CSMD2: variants seen among roughly 807,000 people sequenced by gnomAD.
CSMD2 encodes CUB and sushi domain-containing protein 2.
A neutral mutation model predicts 398.5 loss-of-function variants in CSMD2; 130 were observed. The ratio of observed to expected loss-of-function variants is 0.33; its 90% CI spans 0.28 to 0.38. The LOEUF (loss-of-function observed/expected upper bound fraction) is 0.38. Among genes scored for constraint, CSMD2 ranks in the 10% least tolerant of loss-of-function variants. The pLI is 1.00. For synonymous variants in CSMD2, 1,828 were observed against 1,908.5 expected (o/e 0.96, Z 1.10); for missense variants, 3,829 against 4,764.9 (o/e 0.80, Z 5.78).
chr1:33,754,860 G>T (rs1201347823), intron 13 of CSMD2, among the ~76,000 whole-genome samples: 2 of 152,234 alleles, frequency 1.3e-5, no homozygotes, highest in African/African-American at 4.8e-5. Flanking sequence ...TGGTCTGTAG[G>T]CTTGGTGTCT....
chr1:33,793,644 G>A (rs1236744558), intron 10 of CSMD2, among the ~76,000 whole-genome samples: 2 of 152,080 alleles, frequency 1.3e-5, no homozygotes, highest in African/African-American at 4.8e-5. Flanking sequence ...GGGACGCATA[G>A]GTGTTTGAGA....
intron 65 of CSMD2, 129 bp downstream of exon 65, chr1:33,527,067 C>T: frequency 1.2e-6 from 1 of 859,626 alleles, no homozygotes; most frequent in South Asian, 1.4e-5. Context: ...GAAAGCCATC[C>T]AGATTTATAG....
At position 33,943,925 on chromosome 1, in the gene CSMD2, T is replaced by TACACACACAC. The variant is rs57400434; in HGVS notation, c.518-7981_518-7972dup. On this transcript the variant is annotated intron_variant, in intron 3 of 70. Coordinates refer to ENST00000373381, the MANE Select transcript of CSMD2 (RefSeq NM_001281956.2). Reference sequence around the variant, plus strand: ...ATATATATTATATATTAATCAGAATTACACACACACACACACACACACACA... The same window carrying TACACACACAC: ...ATATATATTATATATTAATCAGAATTACACACACACACACACACACACACACACACACACA... 2.0e-3 allele frequency among the ~76,000 whole-genome samples: 288 copies of TACACACACAC among 144,372 alleles called. 3 individuals are homozygous for TACACACACAC. The highest frequency in any genetic ancestry group is 7.1e-3 in the African/African-American group (280 of 39,278). 94.7% of individuals were successfully genotyped at this position (144,372 alleles called of 152,430 possible).
In CSMD2 at chr1:33,544,413, G is replaced by A. The variant is rs149332272; in HGVS notation, c.9101-1517C>T. Among the ~76,000 whole-genome samples, 1,070 of 151,980 alleles carry A rather than the reference G, an allele frequency of 7.0e-3. 3 individuals are homozygous for A. The highest frequency in any genetic ancestry group is 0.012 in the African/African-American group (500 of 41,430). ...ATTACAGGCGTGAGCCACCGCGCCCGGCCTCCATATTTGTCTTGTATATTT... is the reference window on the plus strand; with the variant it reads ...ATTACAGGCGTGAGCCACCGCGCCCAGCCTCCATATTTGTCTTGTATATTT... On this transcript the variant is annotated intron_variant, in intron 57 of 70. Coordinates refer to ENST00000373381, the MANE Select transcript of CSMD2 (RefSeq NM_001281956.2).
At chr1:33,914,257 G>A (rs993448323) in intron 5 of CSMD2, among the ~76,000 whole-genome samples, 33 of 152,126 alleles carry the variant, frequency 2.2e-4, no homozygotes, top group African/African-American at 8.0e-4. Context: ...ACATTGAACT[G>A]GAAATGGAAC....
chr1:34,148,727 A>G (rs1640013140), intron 1 of CSMD2, among the ~76,000 whole-genome samples: 1 of 152,172 alleles, frequency 6.6e-6, no homozygotes, highest in African/African-American at 2.4e-5. Context: ...CATTTTACTA[A>G]TGTGAAAACT....
At chr1:34,069,943 T>G (rs1267624183) in intron 2 of CSMD2, among the ~76,000 whole-genome samples, 9 of 152,250 alleles carry the variant, frequency 5.9e-5, no homozygotes, top group South Asian at 2.1e-4. Context: ...TGACTCAGTC[T>G]GCTTCTTATC....
chr1:33,937,835 G>A (rs1269266994), intron 3 of CSMD2, among the ~76,000 whole-genome samples: 1 of 152,218 alleles, frequency 6.6e-6, no homozygotes, highest in Non-Finnish European at 1.5e-5. Flanking sequence ...TGCATGCCTG[G>A]CACAACGCCC....
At chr1:34,064,096 G>A (rs1481523919) in intron 2 of CSMD2, among the ~76,000 whole-genome samples, 8 of 152,180 alleles carry the variant, frequency 5.3e-5, no homozygotes, top group Non-Finnish European at 7.3e-5. Flanking sequence ...ACAAAACCAC[G>A]TATTCCTCCC....
intron 29 of CSMD2, among the ~76,000 whole-genome samples, chr1:33,645,996 T>C (rs908052171): frequency 6.6e-6 from 1 of 152,264 alleles, no homozygotes. Flanking sequence ...GTAGTTGTGA[T>C]AGGTAAACCT....
At position 33,641,778 on chromosome 1, in the gene CSMD2, C is replaced by T. The variant is rs192304417; in HGVS notation, c.4774+4870G>A. ...CCAACATCTCATCTACAGAAGGGTC[C>T]GTCGGTCTAGTTGTCACGAGGATGT... On this transcript the variant is annotated intron_variant, in intron 29 of 70. Coordinates refer to ENST00000373381, the MANE Select transcript of CSMD2 (RefSeq NM_001281956.2). Among the ~76,000 whole-genome samples the T allele has an allele frequency of 5.9e-5, 9 of 152,230 alleles. No homozygotes were observed. The East Asian group carries it at 1.4e-3, about 23-fold the overall frequency.
chr1:33,982,787 AGCACAGG>A (rs1341419398), intron 3 of CSMD2, among the ~76,000 whole-genome samples: 1 of 152,160 alleles, frequency 6.6e-6, no homozygotes, highest in African/African-American at 2.4e-5. Context: ...GCCTTGGTGG[AGCACAGG>A]GCACAGGGAG....
intron 5 of CSMD2, among the ~76,000 whole-genome samples, chr1:33,901,023 T>A (rs986617265): frequency 6.6e-6 from 1 of 152,148 alleles, no homozygotes; most frequent in Non-Finnish European, 1.5e-5. Flanking sequence ...AAAACCCAGC[T>A]GGGGAGAACC....
At chr1:33,988,954 GAAGAAAACAA>G (rs1646451511) in intron 3 of CSMD2, among the ~76,000 whole-genome samples, 2 of 125,536 alleles carry the variant, frequency 1.6e-5, no homozygotes, top group Admixed American at 1.7e-4. Flanking sequence ...AACACTTCCA[GAAGAAAACAA>G]GAGAAAACCT....
chr1:33,528,309 A>G (rs888408038), intron 64 of CSMD2, among the ~76,000 whole-genome samples: 6 of 152,240 alleles, frequency 3.9e-5, no homozygotes, highest in Non-Finnish European at 8.8e-5. Flanking sequence ...ATGAACAGGA[A>G]AGTCATGACC....
intron 2 of CSMD2, among the ~76,000 whole-genome samples, chr1:34,082,129 C>T (rs1234877434): frequency 1.3e-5 from 2 of 148,788 alleles, no homozygotes; most frequent in African/African-American, 4.9e-5. Flanking sequence ...TGCCCGGCCG[C>T]CCCGTCTGGG....
At chr1:33,788,753 G>A (rs1369569031) in intron 11 of CSMD2, 41 bp from the exon 12 acceptor site, 22 of 1,225,928 alleles carry the variant, frequency 1.8e-5, no homozygotes, top group Non-Finnish European at 2.5e-5. Flanking sequence ...TCTCCACCAT[G>A]ACACCCGAAT....
intron 1 of CSMD2, among the ~76,000 whole-genome samples, chr1:34,138,458 C>A (rs1428314415): frequency 6.6e-6 from 1 of 152,214 alleles, no homozygotes; most frequent in African/African-American, 2.4e-5. Flanking sequence ...ATCTGTAAAA[C>A]GGAGGTGGTA....
intron 2 of CSMD2, among the ~76,000 whole-genome samples, chr1:34,067,327 A>G (rs915776095): frequency 1.2e-4 from 19 of 152,252 alleles, no homozygotes; most frequent in African/African-American, 4.3e-4. Context: ...AACATGTACA[A>G]AAGATGTAAA....
Sources: allele counts gnomAD v4.1 joint callset (sites outside exome capture counted in the v4.1 genomes callset), GRCh38; gene constraint gnomAD v4.1.1; transcripts MANE v1.5; gene names NCBI Gene and HGNC (gene_info 2026-07-23, HGNC 2026-07-21).